The following POLD1 variants were observed in gnomAD, a reference collection of about 807,000 sequenced individuals.
POLD1 encodes the protein DNA polymerase delta 1, catalytic subunit.
Under a neutral mutation model 129.7 loss-of-function variants are expected in POLD1, and 79 were observed. That is an observed-to-expected ratio of 0.61 (90% CI 0.51 to 0.73). The LOEUF is 0.73. POLD1 is among the 30% of genes least tolerant of loss of function. POLD1 has a pLI of 0.00. For synonymous variants in POLD1, 714 were observed against 683.3 expected, an observed-to-expected ratio of 1.04 and a Z score of -0.70; for missense variants, 1,338 against 1,595.8, an observed-to-expected ratio of 0.84 and a Z score of 2.75.
intron 1 of POLD1, among the ~76,000 whole-genome samples, chr19:50,393,213 T>C (rs2038231558): frequency 6.6e-6 from 1 of 152,168 alleles, no homozygotes; most frequent in African/African-American, 2.4e-5. Flanking sequence ...AGCTGTATAG[T>C]GTGTTTTATC....
rs766669368 is a variant in POLD1 at position 50,417,897 on chromosome 19, C to T, written c.3274C>T (p.Gln1092Ter). ...GAAGGTGCGGAAGGACCTGGAAGAC[C>T]AGGAGCAGCTCCTGCGGCGCTTCGG... Reference protein sequence around the residue: ...RKKVRKDLEDQEQLLRRFGPP... With the variant: ...RKKVRKDLED The change falls in exon 27 of 27, where the codon CAG (glutamine) becomes TAG (stop). Residue 1092 changes from glutamine to a stop codon, truncating the protein, a stop_gained. Transcript: ENST00000440232. LOFTEE classifies it high-confidence loss of function. The T allele has an allele frequency of 5.0e-6, 8 of 1,611,960 alleles. No homozygotes were observed. The highest frequency in any genetic ancestry group is 6.8e-6 in the Non-Finnish European group (8 of 1,179,240).
In POLD1 at chr19:50,406,300, G is replaced by A. The variant is rs1004124075; in HGVS notation, c.1361G>A (p.Arg454His). 5.6e-6 allele frequency: 9 copies of A among 1,613,958 alleles called. No homozygotes were observed. Among genetic ancestry groups the A allele is most frequent in the Middle Eastern group, 1.6e-4 (1 of 6,062 alleles). The change falls in exon 11 of 27, where the codon CGC becomes CAC. Residue 454 changes from arginine to histidine, a missense_variant. By Grantham distance (29) the Arg-to-His change is conservative. Coordinates refer to ENST00000440232, the MANE Select transcript of POLD1 (RefSeq NM_002691.4). The surrounding 1 kb of genome is among the most constrained non-coding windows in gnomAD (Gnocchi z 5.5). ...RDTKVVSMVG[R>H]VQMDMLQVLL... is the part of the protein sequence containing the mutation. ...ACCAAGGTTGTCAGCATGGTGGGCC[G>A]CGTGCAGATGGACATGCTGCAGGTA...
Position 50,401,906 on chromosome 19 carries a change from T to A in POLD1, c.445T>A (p.Tyr149Asn). 6.2e-7 allele frequency: 1 copy of A among 1,614,058 alleles called. No homozygotes were observed. The highest frequency in any genetic ancestry group is 8.5e-7 in the Non-Finnish European group (1 of 1,179,964). ...CATCCACGGCTTCGCTCCCTACTTC[T>A]ACACCCCAGCGCCCCCTGGTGAGTG... is the stretch of plus-strand genomic sequence containing the variant. ...CHIHGFAPYF[Y>N]TPAPPGFGPE... Residue 149 changes from tyrosine (Y) to asparagine (N), a missense_variant, in exon 4 of 27, where the codon TAC becomes AAC. Transcript: ENST00000440232.
rs2122371507 is a variant in POLD1 at position 50,408,920 on chromosome 19, C to T, written c.1892+19C>T. ...AACTGGGGTATAGTGCCCAATTCAGCATGTGTCCCCCGAGGCCCATCTGGG... is the reference window on the plus strand; with the variant it reads ...AACTGGGGTATAGTGCCCAATTCAGTATGTGTCCCCCGAGGCCCATCTGGG... On this transcript the variant is annotated intron_variant, in intron 15 of 26. Coordinates refer to ENST00000440232, the MANE Select transcript of POLD1 (RefSeq NM_002691.4). 6.3e-7 allele frequency: 1 copy of T among 1,596,948 alleles called. No individual in the cohort carries two copies. The highest frequency in any genetic ancestry group is 8.5e-7 in the Non-Finnish European group (1 of 1,170,222).
chr19:50,397,951 A>G (rs3219360), intron 1 of POLD1, among the ~76,000 whole-genome samples: 16,410 of 152,206 alleles, frequency 0.11, 1,133 homozygotes, highest in South Asian at 0.2. Context: ...GGAATTCCTT[A>G]TTGTTAGGCA....
intron 2 of POLD1, 144 bp downstream of exon 2, chr19:50,399,197 C>A: frequency 1.5e-6 from 2 of 1,326,700 alleles, no homozygotes; most frequent in Non-Finnish European, 2.1e-6. Flanking sequence ...CCACCCCGTG[C>A]AGCCTGTGTG....
chr19:50,392,805 G>A (rs2038218396), intron 1 of POLD1, among the ~76,000 whole-genome samples: 1 of 152,238 alleles, frequency 6.6e-6, no homozygotes, highest in Non-Finnish European at 1.5e-5. Context: ...TAGAATCAGG[G>A]TAAACGTTTT....
At position 50,398,845 on chromosome 19, in the gene POLD1, C is replaced by G. The variant is rs1160874482; in HGVS notation, c.-1-6C>G. On this transcript the variant is annotated splice_polypyrimidine_tract_variant and splice_region_variant and intron_variant, in intron 1 of 26. Transcript: ENST00000440232. Reference sequence around the variant, plus strand: ...AACCTCCACCAAGCTCCAACTTGCCCAGCAGGATGGATGGCAAGCGGCGGC... The same window carrying G: ...AACCTCCACCAAGCTCCAACTTGCCGAGCAGGATGGATGGCAAGCGGCGGC... The G allele has an allele frequency of 2.5e-6, 4 of 1,607,772 alleles. No homozygotes were observed. The highest frequency in any genetic ancestry group is 3.4e-6 in the Non-Finnish European group (4 of 1,178,634).
chr19:50,399,134 C>G (rs1352950400), intron 2 of POLD1, 81 bp downstream of exon 2: 2 of 1,546,168 alleles, frequency 1.3e-6, no homozygotes, highest in African/African-American at 2.7e-5. Flanking sequence ...AGCTGCAAAG[C>G]TGACCTGTGA....
intron 18 of POLD1, 67 bp downstream of exon 18, chr19:50,413,588 G>A: frequency 6.5e-7 from 1 of 1,535,632 alleles, no homozygotes; most frequent in East Asian, 2.3e-5. Context: ...AGCCGGGCCG[G>A]ACCCCCATGT....
rs1005672452 is a variant in POLD1 at position 50,417,206 on chromosome 19, C to T, written c.3155C>T (p.Ser1052Leu). 9 of 1,606,782 alleles carry T rather than the reference C, an allele frequency of 5.6e-6. No individual in the cohort carries two copies. The highest frequency in any genetic ancestry group is 1.7e-5 in the Admixed American group (1 of 59,610). ...CTGAATGCCCTGGAGGAGCGCTTCT[C>T]GCGCCTCTGGACGCAGTGCCAGCGC... ...SHLNALEERF[S>L]RLWTQCQRCQ... is the part of the protein sequence containing the mutation. The change falls in exon 26 of 27, where the codon TCG becomes TTG. Residue 1052 changes from serine (S) to leucine (L), a missense_variant. Around this residue, in one of 3 missense-constraint regions of POLD1, gnomAD observed 286 missense variants for 277.5 expected, o/e 1.03. Transcript: ENST00000440232.
At position 50,415,010 on chromosome 19, in the gene POLD1, T is replaced by C. The variant is rs774539927; in HGVS notation, c.2564+20T>C. 1.5e-5 allele frequency: 23 copies of C among 1,518,992 alleles called. No individual in the cohort carries two copies. The highest frequency in any genetic ancestry group is 1.5e-5 in the Non-Finnish European group (17 of 1,129,246). The allele number at this position is 1,518,992 out of a possible 1,614,324, so 94.1% of individuals were successfully genotyped here. A position where few individuals can be genotyped will look rare whatever the true frequency, so the allele number is the denominator to read the frequency against. ...CGACCGGTGTGTGGGGCCTCCTCCCTCAGACTCAGGGGGCTGGGCCCCAAA... is the reference window on the plus strand; with the variant it reads ...CGACCGGTGTGTGGGGCCTCCTCCCCCAGACTCAGGGGGCTGGGCCCCAAA... On this transcript the variant is annotated intron_variant, in intron 20 of 26. Coordinates refer to ENST00000440232, the MANE Select transcript of POLD1 (RefSeq NM_002691.4).
chr19:50,399,421 C>G lies in POLD1; in HGVS notation c.253C>G (p.Pro85Ala). The change falls in exon 3 of 27, where the codon CCA (proline) becomes GCA (alanine). Residue 85 changes from proline (P) to alanine (A), a missense_variant. Transcript: ENST00000440232. Reference sequence around the variant, plus strand: ...TCCTCGCTGGCTTCGGCCCACACCACCAGCGCTGGACCCCCAGACAGAGCC... The same window carrying G: ...TCCTCGCTGGCTTCGGCCCACACCAGCAGCGCTGGACCCCCAGACAGAGCC... ...IDPRWLRPTP[P>A]ALDPQTEPLI... The G allele has an allele frequency of 6.2e-7, 1 of 1,614,202 alleles. No individual in the cohort carries two copies. Among genetic ancestry groups the G allele is most frequent in the Non-Finnish European group, 8.5e-7 (1 of 1,179,998 alleles).
At chr19:50,386,139 C>CTT (rs923132704) in intron 1 of POLD1, among the ~76,000 whole-genome samples, 1 of 145,360 alleles carries the variant, frequency 6.9e-6, no homozygotes, top group Non-Finnish European at 1.5e-5. Context: ...ACTCACATGT[C>CTT]TTTTTTTTTT....
chr19:50,395,876 C>T (rs1331139473), intron 1 of POLD1, among the ~76,000 whole-genome samples: 74 of 73,646 alleles, frequency 1.0e-3, no homozygotes, highest in East Asian at 1.7e-3. Context: ...AGGATATATA[C>T]TTTTTTTTTT....
chr19:50,386,358 G>A (rs569693857), intron 1 of POLD1, among the ~76,000 whole-genome samples: 4 of 151,804 alleles, frequency 2.6e-5, no homozygotes, highest in South Asian at 4.2e-4. Context: ...GACTGGTCTC[G>A]AATCCCTGAC....
At chr19:50,394,807 C>T (rs2122150030) in intron 1 of POLD1, among the ~76,000 whole-genome samples, 1 of 152,204 alleles carries the variant, frequency 6.6e-6, no homozygotes, top group South Asian at 2.1e-4. Flanking sequence ...CTGTCTCAGC[C>T]TGGACCCTGG....
intron 14 of POLD1, among the ~76,000 whole-genome samples, chr19:50,407,659 C>T (rs888226447): frequency 6.6e-5 from 10 of 151,092 alleles, no homozygotes; most frequent in Non-Finnish European, 1.5e-4. Flanking sequence ...CCCGGGTTCA[C>T]GCCATTCTCC....
intron 22 of POLD1, 86 bp from the exon 23 acceptor site, chr19:50,416,310 C>G (rs982236296): frequency 1.4e-6 from 2 of 1,435,470 alleles, no homozygotes; most frequent in Non-Finnish European, 1.9e-6. Context: ...AGGCCTAGGC[C>G]CTAAGCCCCA....
Sources: allele counts gnomAD v4.1 joint callset (sites outside exome capture counted in the v4.1 genomes callset), GRCh38; gene constraint gnomAD v4.1.1; regional missense constraint gnomAD v4.1.1; non-coding constraint Gnocchi (gnomAD v3.1); transcripts MANE v1.5; gene names NCBI Gene and HGNC (gene_info 2026-07-23, HGNC 2026-07-21).